Variants in USP48 observed in about 807,000 individuals in gnomAD.
USP48 encodes ubiquitin carboxyl-terminal hydrolase 48.
Under a neutral mutation model 150.7 loss-of-function variants are expected in USP48, and 43 were observed. The ratio of observed to expected loss-of-function variants is 0.29; its 90% CI spans 0.22 to 0.37. USP48 has a LOEUF of 0.37. Among genes scored for constraint, USP48 ranks in the 10% least tolerant of loss-of-function variants. USP48 has a pLI of 1.00. For synonymous variants in USP48, 396 were observed against 425.9 expected, an observed-to-expected ratio of 0.93 and a Z score of 0.86; for missense variants, 813 against 1,249.6, an observed-to-expected ratio of 0.65 and a Z score of 5.27.
At position 21,724,114 on chromosome 1, in the gene USP48, G is replaced by T; in HGVS notation, c.1451-19C>A. On this transcript the variant is annotated intron_variant, in intron 11 of 26. Transcript: ENST00000308271. ...TAGGGCTCTGAGAAAGCAAGCATCG[G>T]AAAGAGCCTATGTATTTTTACAGTT... 2 of 1,612,026 alleles carry T rather than the reference G, an allele frequency of 1.2e-6. No individual in the cohort carries two copies. Among genetic ancestry groups the T allele is most frequent in the Non-Finnish European group, 1.7e-6 (2 of 1,178,592 alleles).
intron 14 of USP48, among the ~76,000 whole-genome samples, chr1:21,719,628 C>T (rs540402207): frequency 3.4e-4 from 52 of 152,100 alleles, no homozygotes; most frequent in Non-Finnish European, 6.9e-4. Context: ...CGGTGGCTCA[C>T]GCCTGTAATC....
At chr1:21,711,347 T>C (rs888399179) in intron 15 of USP48, among the ~76,000 whole-genome samples, 4 of 152,038 alleles carry the variant, frequency 2.6e-5, no homozygotes, top group Non-Finnish European at 5.9e-5. Context: ...ATTTAAGAAG[T>C]ATGTAGTTAG....
rs1418203649 is a variant in USP48, at chr1:21,752,583, T to C, written c.609A>G (p.Pro203=). Residue 203 remains proline (P), a synonymous_variant, in exon 5 of 27, where the codon CCA becomes CCG. Transcript: ENST00000308271. ...GCTGTTGAACAATATTGCGCACATC[T>C]GGATTCTTTTGTTTAGACAAAGTAT... ...LEDTLSKQKN[P]DVRNIVQQQF... 1 of 1,613,644 alleles carries C rather than the reference T, an allele frequency of 6.2e-7. No individual in the cohort carries two copies.
At chr1:21,704,672 T>C (rs986887661) in intron 19 of USP48, 1 of 260,634 alleles carries the variant, frequency 3.8e-6, no homozygotes, top group Non-Finnish European at 7.2e-6. Flanking sequence ...AAATACAGTA[T>C]GGTGCCATTT....
chr1:21,726,968 A>C (rs1333994112), intron 11 of USP48, among the ~76,000 whole-genome samples: 2 of 152,168 alleles, frequency 1.3e-5, no homozygotes, highest in Non-Finnish European at 2.9e-5. Context: ...AAGAAAAAAA[A>C]AAACCTGGAT....
chr1:21,756,762 A>G lies in USP48; in HGVS notation c.256-60T>C. 1.9e-6 allele frequency: 3 copies of G among 1,592,566 alleles called. No homozygotes were observed. The South Asian group carries it at 3.4e-5, about 18-fold the overall frequency. On this transcript the variant is annotated intron_variant, in intron 2 of 26. Transcript: ENST00000308271. ...ATTTTCCTTTAAACAACCAATTTCTAAGCATTATTCTTAAATTTTCAGATT... is the reference window on the plus strand; with the variant it reads ...ATTTTCCTTTAAACAACCAATTTCTGAGCATTATTCTTAAATTTTCAGATT...
chr1:21,707,108 G>GA (rs757015428), intron 15 of USP48, among the ~76,000 whole-genome samples: 10 of 150,938 alleles, frequency 6.6e-5, no homozygotes, highest in East Asian at 1.9e-4. Flanking sequence ...GTCTGTGATT[G>GA]AAAAAAAAAT....
intron 21 of USP48, among the ~76,000 whole-genome samples, chr1:21,702,221 A>G (rs2152515823): frequency 6.6e-6 from 1 of 152,312 alleles, no homozygotes; most frequent in South Asian, 2.1e-4. Context: ...TAGCTTGTAA[A>G]GCAGAACCCT....
At chr1:21,757,865 C>A (rs2097840803) in intron 1 of USP48, 82 bp from the exon 2 acceptor site, 2 of 1,436,836 alleles carry the variant, frequency 1.4e-6, no homozygotes, top group Non-Finnish European at 1.8e-6. Context: ...AAATGAGATA[C>A]CACTTCTCAT....
chr1:21,759,759 C>G (rs1572004969), intron 1 of USP48, among the ~76,000 whole-genome samples: 1 of 152,128 alleles, frequency 6.6e-6, no homozygotes, highest in East Asian at 1.9e-4. Context: ...GAAGAAAAAT[C>G]TCTTCCCTTT....
intron 8 of USP48, among the ~76,000 whole-genome samples, chr1:21,738,936 A>G (rs1441374485): frequency 6.6e-6 from 1 of 152,202 alleles, no homozygotes; most frequent in East Asian, 1.9e-4. Context: ...AACTCACCCC[A>G]GCTGAAAACA....
intron 22 of USP48, among the ~76,000 whole-genome samples, chr1:21,697,524 T>A (rs1482972885): frequency 1.3e-4 from 20 of 151,294 alleles, no homozygotes; most frequent in African/African-American, 3.6e-4. Flanking sequence ...TTAGCCGGGC[T>A]TGGTGGTGGG....
chr1:21,756,827 A>AC (rs1289355157), intron 2 of USP48, 125 bp from the exon 3 acceptor site: 1 of 1,440,268 alleles, frequency 6.9e-7, no homozygotes, highest in East Asian at 2.7e-5. Flanking sequence ...TGGTATAGCC[A>AC]CCTTAAGTTT....
chr1:21,752,912 C>G, intron 4 of USP48, 80 bp downstream of exon 4: 1 of 1,467,850 alleles, frequency 6.8e-7, no homozygotes, highest in Non-Finnish European at 9.0e-7. Context: ...AAGCATTCTA[C>G]TTCATCTCCC....
chr1:21,706,972 T>C, intron 15 of USP48, 104 bp from the exon 16 acceptor site: 13 of 1,300,468 alleles, frequency 1.0e-5, no homozygotes, highest in Middle Eastern at 2.4e-4. Context: ...GGTACGCTTT[T>C]CTTGCTTTGC....
chr1:21,768,064 G>A (rs1014389059), intron 1 of USP48, among the ~76,000 whole-genome samples: 6 of 152,034 alleles, frequency 3.9e-5, no homozygotes, highest in East Asian at 1.9e-4. Context: ...AAAAGTAGCC[G>A]GGCATGGTGG....
chr1:21,688,267 G>A (rs180866967), intron 24 of USP48, among the ~76,000 whole-genome samples: 18 of 152,094 alleles, frequency 1.2e-4, no homozygotes, highest in Non-Finnish European at 5.9e-5. Flanking sequence ...TGCCCAGGCT[G>A]GAGTGCAGTG....
chr1:21,688,165 T>C lies in USP48; in HGVS notation c.3010-926A>G, dbSNP rs76504811. Among the ~76,000 whole-genome samples, 1,004 of 152,296 alleles carry C rather than the reference T, an allele frequency of 6.6e-3. 10 individuals carry two copies. The highest frequency in any genetic ancestry group is 0.023 in the African/African-American group (975 of 41,564). The stretch of plus-strand genomic sequence containing the variant: ...AACAAAAGAGGCAATGGGAAGCGAC[T>C]AAGTTAGGCCCTTAGGGAGGGTAGA... On this transcript the variant is annotated intron_variant, in intron 24 of 26. Coordinates refer to ENST00000308271, the MANE Select transcript of USP48 (RefSeq NM_032236.8).
At chr1:21,768,881 C>T (rs1230957567) in intron 1 of USP48, among the ~76,000 whole-genome samples, 1 of 152,074 alleles carries the variant, frequency 6.6e-6, no homozygotes, top group Admixed American at 6.6e-5. Context: ...CTCACTGCAG[C>T]CTGGTCTTCC....
Sources: allele counts gnomAD v4.1 joint callset (sites outside exome capture counted in the v4.1 genomes callset), GRCh38; gene constraint gnomAD v4.1.1; transcripts MANE v1.5; gene names NCBI Gene and HGNC (gene_info 2026-07-23, HGNC 2026-07-21).